The following MACROD2 variants were observed in gnomAD, a reference collection of about 807,000 sequenced individuals.
MACROD2 encodes ADP-ribose glycohydrolase MACROD2.
Under a neutral mutation model 70.4 loss-of-function variants are expected in MACROD2, and 36 were observed. That is an observed-to-expected ratio of 0.51 (90% CI 0.39 to 0.68). The LOEUF (loss-of-function observed/expected upper bound fraction) is 0.68, where lower values mean the gene tolerates loss of function less well. Among genes scored for constraint, MACROD2 ranks in the 30% least tolerant of loss-of-function variants. The pLI is 0.00. For synonymous variants in MACROD2, 172 were observed against 178.8 expected, an observed-to-expected ratio of 0.96 and a Z score of 0.30; for missense variants, 496 against 538.4, an observed-to-expected ratio of 0.92 and a Z score of 0.78.
chr20:14,105,307 T>C (rs1158524801), intron 3 of MACROD2, among the ~76,000 whole-genome samples: 1 of 152,204 alleles, frequency 6.6e-6, no homozygotes, highest in Non-Finnish European at 1.5e-5. Context: ...TTCCTCGGCA[T>C]TGGCTATGTG....
At chr20:15,411,183 G>A (rs1568786752) in intron 6 of MACROD2, among the ~76,000 whole-genome samples, 1 of 84,014 alleles carries the variant, frequency 1.2e-5, no homozygotes, top group African/African-American at 3.5e-5. Flanking sequence ...CACACACAAA[G>A]CTGAGAGAGA....
intron 8 of MACROD2, among the ~76,000 whole-genome samples, chr20:15,704,491 A>G (rs1299782738): frequency 6.6e-6 from 1 of 152,244 alleles, no homozygotes; most frequent in Non-Finnish European, 1.5e-5. Context: ...TAATATTAAT[A>G]TGGTGTATTT....
intron 5 of MACROD2, among the ~76,000 whole-genome samples, chr20:15,082,373 G>C (rs372927): frequency 0.79 from 119,834 of 151,808 alleles, 47,489 homozygotes; most frequent in African/African-American, 0.84. Flanking sequence ...TTTGGAGGCT[G>C]TGTCATAGAG....
At chr20:15,504,315 AC>A in intron 8 of MACROD2, among the ~76,000 whole-genome samples, 1 of 152,318 alleles carries the variant, frequency 6.6e-6, no homozygotes, top group Non-Finnish European at 1.5e-5. Context: ...CACACACAGC[AC>A]AGTGGCTCAA....
intron 3 of MACROD2, among the ~76,000 whole-genome samples, chr20:14,299,393 T>A (rs576444322): frequency 1.3e-5 from 2 of 152,230 alleles, no homozygotes. Context: ...AACTTTTATA[T>A]GTACTGGGAA....
intron 6 of MACROD2, among the ~76,000 whole-genome samples, chr20:15,314,582 TTATC>T (rs2077788878): frequency 6.6e-6 from 1 of 152,166 alleles, no homozygotes; most frequent in African/African-American, 2.4e-5. Flanking sequence ...AAGCAAGACT[TTATC>T]TATTCAAACA....
chr20:14,137,945 G>A (rs996537959), intron 3 of MACROD2, among the ~76,000 whole-genome samples: 1 of 152,092 alleles, frequency 6.6e-6, no homozygotes, highest in African/African-American at 2.4e-5. Flanking sequence ...CCAAAGATGG[G>A]CAAAGGACCT....
intron 7 of MACROD2, among the ~76,000 whole-genome samples, chr20:15,465,889 A>G (rs540540927): frequency 6.6e-6 from 1 of 152,206 alleles, no homozygotes; most frequent in East Asian, 1.9e-4. Flanking sequence ...ATCCATATTT[A>G]CTGAGCCCAT....
intron 4 of MACROD2, among the ~76,000 whole-genome samples, chr20:14,538,314 C>G (rs1389749991): frequency 1.3e-5 from 2 of 152,154 alleles, no homozygotes; most frequent in Non-Finnish European, 2.9e-5. Flanking sequence ...TATCCCTGGT[C>G]CTCATGCCAG....
chr20:14,615,215 G>C (rs80179902), intron 4 of MACROD2, among the ~76,000 whole-genome samples: 3,608 of 152,162 alleles, frequency 0.024, 62 homozygotes, highest in Admixed American at 0.037. Flanking sequence ...ACTGGAAGTA[G>C]TGACCTTGGA....
intron 5 of MACROD2, among the ~76,000 whole-genome samples, chr20:14,720,569 T>TTTTTTTTTTTTGTGTG (rs531072431): frequency 1.2e-5 from 1 of 84,094 alleles, no homozygotes; most frequent in Non-Finnish European, 2.4e-5. Context: ...TTTTTTTTTT[T>TTTTTTTTTTTTGTGTG]TGTGAGGCAG....
chr20:14,518,859 G>A (rs906684714), intron 4 of MACROD2, among the ~76,000 whole-genome samples: 3 of 152,134 alleles, frequency 2.0e-5, no homozygotes, highest in Admixed American at 6.5e-5. Context: ...GTGAGGTCTG[G>A]ATTTCACAGG....
chr20:14,071,750 A>G (rs2053846386), intron 2 of MACROD2, among the ~76,000 whole-genome samples: 1 of 152,142 alleles, frequency 6.6e-6, no homozygotes. Flanking sequence ...ATAGAGGTGA[A>G]ATAGTAACAT....
chr20:15,139,425 G>T (rs569750269), intron 5 of MACROD2, among the ~76,000 whole-genome samples: 1 of 152,172 alleles, frequency 6.6e-6, no homozygotes, highest in South Asian at 2.1e-4. Flanking sequence ...ATCTGAAATG[G>T]TCTCATGCTT....
At chr20:14,835,098 T>C (rs1297828142) in intron 5 of MACROD2, among the ~76,000 whole-genome samples, 1 of 152,106 alleles carries the variant, frequency 6.6e-6, no homozygotes, top group Non-Finnish European at 1.5e-5. Flanking sequence ...TTTGCTGATG[T>C]GTGCATGTAA....
At position 14,540,553 on chromosome 20, in the gene MACROD2, C is replaced by T. The variant is rs543622620; in HGVS notation, c.301+47045C>T. 1.3e-3 allele frequency among the ~76,000 whole-genome samples: 199 copies of T among 152,218 alleles called. 2 individuals are homozygous for T. The highest frequency in any genetic ancestry group is 4.5e-3 in the African/African-American group (188 of 41,528). ...TTCAAGTGGAATGGCCCTGGGAGCA[C>T]AATTACCTTCAATCTTGACAGGTAT... is the stretch of plus-strand genomic sequence containing the variant. On this transcript the variant is annotated intron_variant, in intron 4 of 17. Transcript: ENST00000684519.
chr20:15,475,459 C>A (rs2047010467), intron 7 of MACROD2, among the ~76,000 whole-genome samples: 1 of 152,196 alleles, frequency 6.6e-6, no homozygotes, highest in African/African-American at 2.4e-5. Context: ...TTTTCCTTGG[C>A]AACTGCATGA....
chr20:14,651,851 G>C (rs1985696078), intron 4 of MACROD2, among the ~76,000 whole-genome samples: 1 of 152,266 alleles, frequency 6.6e-6, no homozygotes, highest in Admixed American at 6.5e-5. Context: ...TTTCTGTGTT[G>C]GTGCTACCTG....
chr20:15,234,009 A>ATATTTT (rs1555795277), intron 6 of MACROD2, among the ~76,000 whole-genome samples: 4 of 39,994 alleles, frequency 1.0e-4, no homozygotes, highest in Non-Finnish European at 1.4e-4. Flanking sequence ...ATATATATAT[A>ATATTTT]TTCTTTTTTT....
Sources: allele counts gnomAD v4.1 joint callset (sites outside exome capture counted in the v4.1 genomes callset), GRCh38; gene constraint gnomAD v4.1.1; transcripts MANE v1.5; gene names NCBI Gene and HGNC (gene_info 2026-07-23, HGNC 2026-07-21).